Variants in BRINP3 observed in about 807,000 individuals in gnomAD.
BRINP3 encodes the protein BMP/retinoic acid inducible neural specific 3.
A neutral mutation model predicts 71.0 loss-of-function variants in BRINP3; 19 were observed. The ratio of observed to expected loss-of-function variants is 0.27; its 90% CI spans 0.19 to 0.39. The LOEUF (loss-of-function observed/expected upper bound fraction) is 0.39, where lower values mean the gene tolerates loss of function less well. Ranked by LOEUF, BRINP3 falls within the 10% of genes least tolerant of loss-of-function variation. The pLI, the probability that BRINP3 is intolerant of heterozygous loss-of-function variation, is 1.00. For synonymous variants in BRINP3, 380 were observed against 337.7 expected (o/e 1.13, Z -1.37); for missense variants, 959 against 940.8 (o/e 1.02, Z -0.25).
At chr1:190,400,972 C>T (rs1671881347) in intron 2 of BRINP3, among the ~76,000 whole-genome samples, 1 of 152,156 alleles carries the variant, frequency 6.6e-6, no homozygotes, top group Non-Finnish European at 1.5e-5. Context: ...GGATTTTTCT[C>T]TCTTTTGCTG....
chr1:190,348,083 A>C (rs1348934816), intron 2 of BRINP3, among the ~76,000 whole-genome samples: 1 of 152,172 alleles, frequency 6.6e-6, no homozygotes, highest in South Asian at 2.1e-4. Flanking sequence ...CTTTTCCTTT[A>C]TAGAGCCTTT....
intron 7 of BRINP3, among the ~76,000 whole-genome samples, chr1:190,125,294 A>G (rs571479095): frequency 4.6e-5 from 7 of 151,730 alleles, no homozygotes; most frequent in Admixed American, 4.6e-4. Context: ...ATAAAAATAC[A>G]TATGCATATT....
chr1:190,436,517 G>A (rs1400412083), intron 2 of BRINP3, among the ~76,000 whole-genome samples: 1 of 151,758 alleles, frequency 6.6e-6, no homozygotes, highest in Non-Finnish European at 1.5e-5. Flanking sequence ...AAGAGTGAAA[G>A]GAGATCCAAA....
In BRINP3 at chr1:190,141,803, C is replaced by T. The variant is rs569096017; in HGVS notation, c.1184+18865G>A. Among the ~76,000 whole-genome samples the T allele has an allele frequency of 2.0e-5, 3 of 151,914 alleles. No homozygotes were observed. In the South Asian group the frequency reaches 6.2e-4, roughly 31 times the overall value. On this transcript the variant is annotated intron_variant, in intron 7 of 7. Coordinates refer to ENST00000367462, the MANE Select transcript of BRINP3 (RefSeq NM_199051.3). ...TCAAACTCCTGACCTTGTGATCAGCCTGCCACGGCCTCCAAAAGTGTTGGG... is the reference window on the plus strand; with the variant it reads ...TCAAACTCCTGACCTTGTGATCAGCTTGCCACGGCCTCCAAAAGTGTTGGG...
chr1:190,349,667 T>C (rs1353857420), intron 2 of BRINP3, among the ~76,000 whole-genome samples: 2 of 152,106 alleles, frequency 1.3e-5, no homozygotes, highest in Non-Finnish European at 1.5e-5. Flanking sequence ...AATTAACACT[T>C]TGCATTCTTC....
At chr1:190,232,588 A>T (rs1032023885) in intron 5 of BRINP3, among the ~76,000 whole-genome samples, 3 of 151,678 alleles carry the variant, frequency 2.0e-5, no homozygotes, top group African/African-American at 7.3e-5. Flanking sequence ...GAGGTTTCTG[A>T]GTTACGCACA....
At chr1:190,382,360 C>T (rs1464175974) in intron 2 of BRINP3, among the ~76,000 whole-genome samples, 1 of 152,100 alleles carries the variant, frequency 6.6e-6, no homozygotes, top group East Asian at 1.9e-4. Context: ...AACACTGTTT[C>T]TGGTTCCAAC....
intron 2 of BRINP3, among the ~76,000 whole-genome samples, chr1:190,394,800 C>T (rs1278804363): frequency 6.6e-6 from 1 of 151,406 alleles, no homozygotes; most frequent in East Asian, 1.9e-4. Flanking sequence ...ACAAAATATA[C>T]TCTATGGATA....
At chr1:190,277,445 G>A (rs774942508) in intron 3 of BRINP3, among the ~76,000 whole-genome samples, 7 of 151,150 alleles carry the variant, frequency 4.6e-5, no homozygotes, top group East Asian at 2.0e-4. Context: ...CAGGAGATGC[G>A]GATAAGGGCA....
intron 2 of BRINP3, among the ~76,000 whole-genome samples, chr1:190,425,161 G>A (rs1427309219): frequency 6.6e-6 from 1 of 151,708 alleles, no homozygotes; most frequent in East Asian, 1.9e-4. Context: ...GTGATAGTTT[G>A]AAGGTGATAT....
rs770136222 is a variant in BRINP3, at chr1:190,323,616, A to AT, written c.237-41867dup. On this transcript the variant is annotated intron_variant, in intron 2 of 7. Transcript: ENST00000367462. ...AAAATACAAAAAAAAAAAAATAAGA[A>AT]TTTTTTTCTTATTTTGCATTAAGGC... Among the ~76,000 whole-genome samples the AT allele has an allele frequency of 5.2e-3, 795 of 151,508 alleles. 6 individuals are homozygous for AT. The highest frequency in any genetic ancestry group is 0.019 in the African/African-American group (768 of 41,388).
At chr1:190,383,829 G>A (rs1670706446) in intron 2 of BRINP3, among the ~76,000 whole-genome samples, 1 of 151,974 alleles carries the variant, frequency 6.6e-6, no homozygotes, top group Non-Finnish European at 1.5e-5. Flanking sequence ...ACAAGGAAGT[G>A]TTTTCACAGA....
At chr1:190,456,897 A>C (rs564834745) in intron 1 of BRINP3, among the ~76,000 whole-genome samples, 94 of 152,284 alleles carry the variant, frequency 6.2e-4, no homozygotes, top group South Asian at 6.2e-4. Context: ...TAATTGAATA[A>C]AACTTCAGTC....
At position 190,097,722 on chromosome 1, in the gene BRINP3, A is replaced by T. The variant is rs1651330357; in HGVS notation, c.*296T>A. 1 of 268,950 alleles carries T rather than the reference A, an allele frequency of 3.7e-6. No individual in the cohort carries two copies. The highest frequency in any genetic ancestry group is 4.8e-5 in the Admixed American group (1 of 21,010). 16.7% of individuals were successfully genotyped at this position (268,950 alleles called of 1,614,324 possible). On this transcript the variant is annotated 3_prime_UTR_variant, in exon 8 of 8. Coordinates refer to ENST00000367462, the MANE Select transcript of BRINP3 (RefSeq NM_199051.3). ...TATCTTTTTATGTTCCCTCTAGAGG[A>T]TGTAATGCACAAAAGCATTGCCACG...
chr1:190,243,982 C>T (rs1464848188), intron 4 of BRINP3, among the ~76,000 whole-genome samples: 1 of 151,992 alleles, frequency 6.6e-6, no homozygotes, highest in Non-Finnish European at 1.5e-5. Context: ...TCTCATCACC[C>T]CCAGATGGGA....
intron 2 of BRINP3, among the ~76,000 whole-genome samples, chr1:190,286,611 G>A (rs754380359): frequency 6.6e-6 from 1 of 152,128 alleles, no homozygotes; most frequent in Non-Finnish European, 1.5e-5. Flanking sequence ...TCCATTAAAT[G>A]AAGTTGTCTA....
intron 6 of BRINP3, among the ~76,000 whole-genome samples, chr1:190,197,578 T>A (rs1654605026): frequency 2.0e-5 from 3 of 152,182 alleles, no homozygotes; most frequent in African/African-American, 7.2e-5. Context: ...CCCCATGCAA[T>A]CTAGACTTCA....
At chr1:190,456,698 C>T (rs1460532278) in intron 1 of BRINP3, among the ~76,000 whole-genome samples, 2 of 151,870 alleles carry the variant, frequency 1.3e-5, no homozygotes, top group Non-Finnish European at 2.9e-5. Context: ...TATTACTCGT[C>T]TTTGTTAAAC....
rs895696224 is a variant in BRINP3 at position 190,324,864 on chromosome 1, C to T, written c.237-43114G>A. Among the ~76,000 whole-genome samples, 149 of 151,830 alleles carry T rather than the reference C, an allele frequency of 9.8e-4. 1 individual carries two copies. The highest frequency in any genetic ancestry group is 1.3e-3 in the Non-Finnish European group (89 of 67,838). On this transcript the variant is annotated intron_variant, in intron 2 of 7. Coordinates refer to ENST00000367462, the MANE Select transcript of BRINP3 (RefSeq NM_199051.3). ...GGAAGCAGAAAAGCAATATTGATTA[C>T]CTTAAAATAAGTGTGATACCTTGTA...
Sources: allele counts gnomAD v4.1 joint callset (sites outside exome capture counted in the v4.1 genomes callset), GRCh38; gene constraint gnomAD v4.1.1; transcripts MANE v1.5; gene names NCBI Gene and HGNC (gene_info 2026-07-23, HGNC 2026-07-21).